The following FIGLA variants were observed in gnomAD, a reference collection of about 807,000 sequenced individuals.
FIGLA encodes folliculogenesis specific bHLH transcription factor, also known as factor in the germline alpha.
Under a neutral mutation model 21.5 loss-of-function variants are expected in FIGLA, and 17 were observed. The ratio of observed to expected loss-of-function variants is 0.79; its 90% CI spans 0.54 to 1.19. The LOEUF (loss-of-function observed/expected upper bound fraction) is 1.19, where lower values mean the gene tolerates loss of function less well. FIGLA is among the 50% of genes most tolerant of loss of function. The pLI, the probability that FIGLA is intolerant of heterozygous loss-of-function variation, is 0.00. For synonymous variants in FIGLA, 129 were observed against 117.6 expected, an observed-to-expected ratio of 1.10 and a Z score of -0.63; for missense variants, 282 against 285.0, an observed-to-expected ratio of 0.99 and a Z score of 0.08.
chr2:70,785,449 G>T lies in FIGLA; in HGVS notation c.575C>A (p.Ser192Tyr). ...PAHACRHSVMSTTEIISPTRS... is the reference protein window; with the variant it reads ...PAHACRHSVMYTTEIISPTRS... ...GGTTGGGGAGATAATTTCAGTCGTA[G>T]ACATCACACTGTGGCGACAAGCGTG... The change falls in exon 3 of 5, where the codon TCT becomes TAT. Residue 192 changes from serine to tyrosine, a missense_variant. Ser to Tyr is a moderately radical substitution (Grantham distance 144, BLOSUM62 -2). Coordinates refer to ENST00000332372, the MANE Select transcript of FIGLA (RefSeq NM_001004311.3). The T allele has an allele frequency of 6.2e-7, 1 of 1,613,828 alleles. No individual in the cohort carries two copies. The highest frequency in any genetic ancestry group is 8.5e-7 in the Non-Finnish European group (1 of 1,179,750).
In FIGLA at chr2:70,777,356, C is replaced by T; in HGVS notation, c.*11G>A. ...TTGTCTCTAGAAGGTAACCCTGGGCCTTTTCATTTTTCATACTTGTGGAAG... is the reference window on the plus strand; with the variant it reads ...TTGTCTCTAGAAGGTAACCCTGGGCTTTTTCATTTTTCATACTTGTGGAAG... On this transcript the variant is annotated 3_prime_UTR_variant, in exon 5 of 5. Coordinates refer to ENST00000332372, the MANE Select transcript of FIGLA (RefSeq NM_001004311.3). 6.7e-7 allele frequency: 1 copy of T among 1,493,880 alleles called. No individual in the cohort carries two copies. Among genetic ancestry groups the T allele is most frequent in the Non-Finnish European group, 9.0e-7 (1 of 1,115,902 alleles). 92.5% of individuals were successfully genotyped at this position (1,493,880 alleles called of 1,614,324 possible).
Position 70,777,764 on chromosome 2 carries a change from A to G in FIGLA, c.610-93T>C, listed in dbSNP as rs537141123. 1.1e-3 allele frequency: 709 copies of G among 617,222 alleles called. 5 individuals carry two copies. The highest frequency in any genetic ancestry group is 7.8e-3 in the Middle Eastern group (30 of 3,840). 38.2% of individuals were successfully genotyped at this position (617,222 alleles called of 1,614,324 possible). On this transcript the variant is annotated intron_variant, in intron 3 of 4. Coordinates refer to ENST00000332372, the MANE Select transcript of FIGLA (RefSeq NM_001004311.3). ...AAAAACTGAGAACATAGTGGCCAAC[A>G]GTAAAAAAATTGTCCCACCTAATGG... is the stretch of plus-strand genomic sequence containing the variant.
At chr2:70,778,539 A>G (rs1293361137) in intron 3 of FIGLA, among the ~76,000 whole-genome samples, 1 of 152,192 alleles carries the variant, frequency 6.6e-6, no homozygotes, top group African/African-American at 2.4e-5. Context: ...ACTTGAGACA[A>G]ATTCATATAA....
At chr2:70,782,661 T>C (rs1675876419) in intron 3 of FIGLA, among the ~76,000 whole-genome samples, 1 of 152,226 alleles carries the variant, frequency 6.6e-6, no homozygotes, top group African/African-American at 2.4e-5. Flanking sequence ...ACTGAAGCCT[T>C]AGGGGTGATG....
intron 3 of FIGLA, among the ~76,000 whole-genome samples, chr2:70,780,667 G>C (rs1422069350): frequency 6.6e-6 from 1 of 152,162 alleles, no homozygotes; most frequent in Non-Finnish European, 1.5e-5. Context: ...TGTTAACAAA[G>C]AGAAAACTAG....
At chr2:70,777,766 TA>T (rs1158402311) in intron 3 of FIGLA, 95 bp from the exon 4 acceptor site, 3 of 599,284 alleles carry the variant, frequency 5.0e-6, no homozygotes, top group South Asian at 3.0e-5. Context: ...TGGCCAACAG[TA>T]AAAAAATTGT....
At chr2:70,781,945 T>C (rs1308948380) in intron 3 of FIGLA, among the ~76,000 whole-genome samples, 1 of 152,212 alleles carries the variant, frequency 6.6e-6, no homozygotes, top group Non-Finnish European at 1.5e-5. Context: ...CAATGTCAGT[T>C]TCCCAGTTTT....
intron 1 of FIGLA, among the ~76,000 whole-genome samples, chr2:70,788,395 TTAA>T (rs1675994667): frequency 6.6e-6 from 1 of 151,988 alleles, no homozygotes; most frequent in African/African-American, 2.4e-5. Context: ...CCCCACTGAG[TTAA>T]TGATATAGAG....
At chr2:70,778,604 T>C (rs1371787363) in intron 3 of FIGLA, among the ~76,000 whole-genome samples, 6 of 152,214 alleles carry the variant, frequency 3.9e-5, no homozygotes, top group African/African-American at 1.4e-4. Context: ...TACTGCATTT[T>C]AGAACATTTA....
intron 3 of FIGLA, among the ~76,000 whole-genome samples, chr2:70,783,005 T>A (rs533041600): frequency 6.8e-6 from 1 of 146,238 alleles, no homozygotes; most frequent in African/African-American, 2.6e-5. Context: ...TTGCAGTGAG[T>A]CGAGATGGTG....
intron 2 of FIGLA, 88 bp from the exon 3 acceptor site, chr2:70,785,727 T>G: frequency 3.1e-6 from 3 of 979,468 alleles, no homozygotes; most frequent in Non-Finnish European, 4.8e-6. Context: ...TTTTAACTGA[T>G]GAGGTTTCAT....
chr2:70,780,846 T>C (rs564552396), intron 3 of FIGLA, among the ~76,000 whole-genome samples: 8 of 151,900 alleles, frequency 5.3e-5, no homozygotes, highest in African/African-American at 1.9e-4. Context: ...GGCACCCACA[T>C]ACAGAGGCAG....
intron 3 of FIGLA, among the ~76,000 whole-genome samples, chr2:70,783,027 C>T (rs997975181): frequency 1.4e-5 from 2 of 147,970 alleles, no homozygotes; most frequent in Non-Finnish European, 3.0e-5. Context: ...CACTGCACTC[C>T]AGCCTGGCAA....
chr2:70,781,290 G>C (rs1675851490), intron 3 of FIGLA, among the ~76,000 whole-genome samples: 1 of 152,162 alleles, frequency 6.6e-6, no homozygotes, highest in African/African-American at 2.4e-5. Context: ...CCTCAGATAA[G>C]TGGCTGATTC....
At position 70,790,474 on chromosome 2, in the gene FIGLA, CGAGTAGCCGCCCGA is replaced by C; in HGVS notation, c.151_164del (p.Ser51ValfsTer3). ...GCACCAACTGGAGGTTTTCAGTGGA[CGAGTAGCCGCCCGA>C]GGGCAGCCGCTTGAGCCGGCAGACA... On this transcript the variant is annotated frameshift_variant, in exon 1 of 5. Coordinates refer to ENST00000332372, the MANE Select transcript of FIGLA (RefSeq NM_001004311.3). LOFTEE classifies it high-confidence loss of function. 1.3e-6 allele frequency: 2 copies of C among 1,544,884 alleles called. No individual in the cohort carries two copies. The highest frequency in any genetic ancestry group is 1.7e-6 in the Non-Finnish European group (2 of 1,146,216).
Position 70,785,622 on chromosome 2 carries a change from C to T in FIGLA, c.402G>A (p.Glu134=). 6.2e-7 allele frequency: 1 copy of T among 1,613,724 alleles called. No individual in the cohort carries two copies. Among genetic ancestry groups the T allele is most frequent in the Non-Finnish European group, 8.5e-7 (1 of 1,179,666 alleles). ...CAGAACTGTTGTTACTATAGCTCTG[C>T]TCATCTGGGTCTTGTTTCTGGAAAC... is the stretch of plus-strand genomic sequence containing the variant. ...AKDSKKQDPD[E]QSYSNNSSES... Residue 134 remains glutamate (E), a synonymous_variant, in exon 3 of 5, where the codon GAG becomes GAA. Transcript: ENST00000332372.
chr2:70,781,246 A>G lies in FIGLA; in HGVS notation c.610-3575T>C, dbSNP rs185318619. Among the ~76,000 whole-genome samples the G allele has an allele frequency of 3.2e-3, 482 of 152,266 alleles. 6 individuals carry two copies. Among genetic ancestry groups the G allele is most frequent in the Non-Finnish European group, 3.2e-3 (220 of 68,012 alleles). On this transcript the variant is annotated intron_variant, in intron 3 of 4. Transcript: ENST00000332372. Reference sequence around the variant, plus strand: ...ACAGCCATGTGGTGAGGGGATGGCAACAGAGATGGGAGATGGGTTATACAC... The same window carrying G: ...ACAGCCATGTGGTGAGGGGATGGCAGCAGAGATGGGAGATGGGTTATACAC...
At chr2:70,785,276 A>G in intron 3 of FIGLA, 139 bp downstream of exon 3, 1 of 762,932 alleles carries the variant, frequency 1.3e-6, no homozygotes, top group Non-Finnish European at 2.1e-6. Context: ...AAACTAGTAA[A>G]CCCCACTGCC....
chr2:70,786,373 A>C (rs1163669174), intron 2 of FIGLA, among the ~76,000 whole-genome samples: 1 of 151,522 alleles, frequency 6.6e-6, no homozygotes, highest in Non-Finnish European at 1.5e-5. Flanking sequence ...GCGCCATCTC[A>C]GCTCACTGCA....
Sources: allele counts gnomAD v4.1 joint callset (sites outside exome capture counted in the v4.1 genomes callset), GRCh38; gene constraint gnomAD v4.1.1; transcripts MANE v1.5; gene names NCBI Gene and HGNC (gene_info 2026-07-23, HGNC 2026-07-21).